The following INSR variants were observed in gnomAD, a reference collection of about 807,000 sequenced individuals.
INSR encodes the protein IR.
Under a neutral mutation model 142.6 loss-of-function variants are expected in INSR, and 67 were observed. The ratio of observed to expected loss-of-function variants is 0.47; its 90% CI spans 0.39 to 0.58. The LOEUF (loss-of-function observed/expected upper bound fraction) is 0.58, where lower values mean the gene tolerates loss of function less well. Ranked by LOEUF, INSR falls within the 20% of genes least tolerant of loss-of-function variation. The pLI, the probability that INSR is intolerant of heterozygous loss-of-function variation, is 0.00. For missense variants in INSR, 1,248 were observed against 1,833.2 expected (o/e 0.68, Z 5.83); for synonymous variants, 756 against 743.1 (o/e 1.02, Z -0.28).
At chr19:7,186,570 C>T (rs1974436741) in intron 2 of INSR, among the ~76,000 whole-genome samples, 1 of 152,110 alleles carries the variant, frequency 6.6e-6, no homozygotes, top group Non-Finnish European at 1.5e-5. Flanking sequence ...TGTGGCTATG[C>T]AACCATCACC....
intron 2 of INSR, among the ~76,000 whole-genome samples, chr19:7,250,357 G>A (rs1053472050): frequency 2.7e-5 from 4 of 148,898 alleles, no homozygotes; most frequent in Non-Finnish European, 3.0e-5. Context: ...GGGAGAAAGG[G>A]AAAGAGGAAG....
At chr19:7,154,512 C>T (rs1356534897) in intron 9 of INSR, among the ~76,000 whole-genome samples, 2 of 150,512 alleles carry the variant, frequency 1.3e-5, no homozygotes, top group African/African-American at 2.4e-5. Context: ...TTGTGTTAGC[C>T]AGGATGGTCT....
chr19:7,281,459 A>G (rs928675757), intron 1 of INSR, among the ~76,000 whole-genome samples: 5 of 151,870 alleles, frequency 3.3e-5, no homozygotes, highest in Non-Finnish European at 7.4e-5. Context: ...ACGATCACTT[A>G]AGGTCTTGAG....
chr19:7,292,479 G>GGT (rs61634234), intron 1 of INSR, among the ~76,000 whole-genome samples: 2 of 146,260 alleles, frequency 1.4e-5, no homozygotes, highest in African/African-American at 5.0e-5. Context: ...CTGGGGGGGG[G>GGT]TGGGCCCGGG....
rs57665258 is a variant in INSR, at chr19:7,136,828, CAT to C, written c.2683-4513_2683-4512del. On this transcript the variant is annotated intron_variant, in intron 13 of 21. Transcript: ENST00000302850. ...ATGTAAAACTTTATTTATTTATTTA[CAT>C]ATATATATATATATATATTGAGATG... 8.6e-3 allele frequency among the ~76,000 whole-genome samples: 1,208 copies of C among 139,678 alleles called. 52 individuals carry two copies. The highest frequency in any genetic ancestry group is 0.08 in the East Asian group (411 of 5,130). The allele number at this position is 139,678 out of a possible 152,430, so 91.6% of individuals were successfully genotyped here.
intron 17 of INSR, among the ~76,000 whole-genome samples, chr19:7,123,673 A>G (rs750184643): frequency 2.6e-5 from 4 of 152,100 alleles, no homozygotes. Flanking sequence ...CTGTAATCCC[A>G]GCACTTTGGG....
In INSR at chr19:7,180,529, C is replaced by CAAAAAAAAAAAA. The variant is rs57184012; in HGVS notation, c.974+3775_974+3786dup. Among the ~76,000 whole-genome samples, 126 of 91,722 alleles carry CAAAAAAAAAAAA rather than the reference C, an allele frequency of 1.4e-3. 2 individuals are homozygous for CAAAAAAAAAAAA. The highest frequency in any genetic ancestry group is 2.0e-3 in the African/African-American group (46 of 22,484). 60.2% of individuals were successfully genotyped at this position (91,722 alleles called of 152,430 possible). On this transcript the variant is annotated intron_variant, in intron 3 of 21. Transcript: ENST00000302850. ...TGGGTGACAGACCAAGACCTTGTCTCAAAAAAAAAAAAAAAAGACAAAAAT... is the reference window on the plus strand; with the variant it reads ...TGGGTGACAGACCAAGACCTTGTCTCAAAAAAAAAAAAAAAAAAAAAAAAAAAAGACAAAAAT...
chr19:7,217,709 GCCA>G (rs1039667866), intron 2 of INSR, among the ~76,000 whole-genome samples: 9 of 152,202 alleles, frequency 5.9e-5, no homozygotes, highest in African/African-American at 2.2e-4. Context: ...ACAGGAGCCC[GCCA>G]CCACACCTGG....
rs375334161 is a variant in INSR, at chr19:7,193,800, C to T, written c.653-9163G>A. 5.3e-4 allele frequency among the ~76,000 whole-genome samples: 80 copies of T among 152,200 alleles called. 2 individuals carry two copies. Among genetic ancestry groups the T allele is most frequent in the African/African-American group, 1.9e-3 (79 of 41,540 alleles). The stretch of plus-strand genomic sequence containing the variant: ...CGCCTCCCAGGTTCAAGTGCTCCTC[C>T]TACCTCAGCCTCCTGAGTAGCTGGG... On this transcript the variant is annotated intron_variant, in intron 2 of 21. Coordinates refer to ENST00000302850, the MANE Select transcript of INSR (RefSeq NM_000208.4).
chr19:7,157,834 G>A (rs1007154321), intron 9 of INSR, among the ~76,000 whole-genome samples: 5 of 151,628 alleles, frequency 3.3e-5, no homozygotes, highest in Admixed American at 6.6e-5. Flanking sequence ...GCTCTAAATC[G>A]TGTATCAAGT....
intron 12 of INSR, 140 bp downstream of exon 12, chr19:7,142,676 G>T: frequency 9.5e-7 from 1 of 1,052,296 alleles, no homozygotes; most frequent in Non-Finnish European, 1.4e-6. Flanking sequence ...CTGGGCGACA[G>T]AGCAAGGCTC....
intron 1 of INSR, among the ~76,000 whole-genome samples, chr19:7,291,928 G>A (rs1311480688): frequency 1.3e-5 from 2 of 152,106 alleles, no homozygotes; most frequent in Non-Finnish European, 2.9e-5. Flanking sequence ...GAATAGCTGG[G>A]ACTACAGGCG....
chr19:7,182,828 T>C (rs1051350402), intron 3 of INSR, among the ~76,000 whole-genome samples: 2 of 150,364 alleles, frequency 1.3e-5, no homozygotes, highest in Admixed American at 6.6e-5. Flanking sequence ...CCATTTTTTT[T>C]ATTTCAATTG....
chr19:7,235,808 CAG>C (rs1323695357), intron 2 of INSR, among the ~76,000 whole-genome samples: 1 of 151,808 alleles, frequency 6.6e-6, no homozygotes, highest in East Asian at 1.9e-4. Flanking sequence ...GCCTGGGCAA[CAG>C]AGTAAGATCC....
In INSR at chr19:7,163,349, A is replaced by G. The variant is rs1283044570; in HGVS notation, c.1862-150T>C. ...GCCAAGGCAGGCGGATCACGAGGTC[A>G]GGAGATCGAGACCATCCTGGTTAAC... On this transcript the variant is annotated intron_variant, in intron 8 of 21. Coordinates refer to ENST00000302850, the MANE Select transcript of INSR (RefSeq NM_000208.4). 8.0e-6 allele frequency: 6 copies of G among 746,996 alleles called. No homozygotes were observed. The African/African-American group carries it at 1.0e-4, about 13-fold the overall frequency. 46.3% of individuals were successfully genotyped at this position (746,996 alleles called of 1,614,324 possible). A position where few individuals can be genotyped will look rare whatever the true frequency, so the allele number is the denominator to read the frequency against.
At position 7,172,438 on chromosome 19, in the gene INSR, A is replaced by T. The variant is rs758327583; in HGVS notation, c.1124-4T>A. ...TCTAGCTCAGCTGCCAGATTGTCTA[A>T]GGAAAGGAGAGAATATCCAGTGGGT... On this transcript the variant is annotated splice_region_variant and splice_polypyrimidine_tract_variant and intron_variant, in intron 4 of 21. Coordinates refer to ENST00000302850, the MANE Select transcript of INSR (RefSeq NM_000208.4). 1 of 1,613,826 alleles carries T rather than the reference A, an allele frequency of 6.2e-7. No homozygotes were observed. Among genetic ancestry groups the T allele is most frequent in the South Asian group, 1.1e-5 (1 of 91,082 alleles).
chr19:7,255,690 A>G (rs36047283), intron 2 of INSR, among the ~76,000 whole-genome samples: 19,994 of 150,774 alleles, frequency 0.13, 1,601 homozygotes, highest in African/African-American at 0.21. Flanking sequence ...CGATCCTCCC[A>G]CCTCAGACTC....
Position 7,116,968 on chromosome 19 carries a change from C to G in INSR, c.*88G>C. The stretch of plus-strand genomic sequence containing the variant: ...TGAACTCCATTGGACATGGTAGAGT[C>G]GTGAGAATCCTGAGTTTTCCAGAGG... On this transcript the variant is annotated 3_prime_UTR_variant, in exon 22 of 22. Transcript: ENST00000302850. The G allele has an allele frequency of 1.0e-6, 1 of 983,966 alleles. No homozygotes were observed. Among genetic ancestry groups the G allele is most frequent in the South Asian group, 1.3e-5 (1 of 77,930 alleles). 61.0% of individuals were successfully genotyped at this position (983,966 alleles called of 1,614,324 possible).
At chr19:7,163,948 A>AAAAAAAAAAAAATATATATATATATATAT (rs1411048837) in intron 8 of INSR, among the ~76,000 whole-genome samples, 7 of 136,132 alleles carry the variant, frequency 5.1e-5, no homozygotes, top group African/African-American at 1.6e-4. Context: ...AAAAAAAAAA[A>AAAAAAAAAAAAATATATATATATATATAT]ATTAGCTGGA....
Sources: allele counts gnomAD v4.1 joint callset (sites outside exome capture counted in the v4.1 genomes callset), GRCh38; gene constraint gnomAD v4.1.1; transcripts MANE v1.5; gene names NCBI Gene and HGNC (gene_info 2026-07-23, HGNC 2026-07-21).